Variants in DCTN1 observed in about 807,000 individuals in gnomAD.
DCTN1 encodes dynactin subunit 1.
Under a neutral mutation model 161.2 loss-of-function variants are expected in DCTN1, and 61 were observed. The observed-to-expected ratio is 0.38, with a 90% CI of 0.31 to 0.47. The LOEUF is 0.47. Ranked by LOEUF, DCTN1 falls within the 20% of genes least tolerant of loss-of-function variation. DCTN1 has a pLI of 0.99. For synonymous variants in DCTN1, 653 were observed against 632.4 expected (o/e 1.03, Z -0.49); for missense variants, 1,404 against 1,623.7 (o/e 0.86, Z 2.33).
At chr2:74,362,467 T>A (rs1377615496) in intron 30 of DCTN1, among the ~76,000 whole-genome samples, 183 bp downstream of exon 30, 1 of 152,164 alleles carries the variant, frequency 6.6e-6, no homozygotes, top group Non-Finnish European at 1.5e-5. Context: ...ATCCATTTTG[T>A]TATGAGAATC....
chr2:74,389,437 A>T (rs189933865), intron 1 of DCTN1, among the ~76,000 whole-genome samples: 6 of 152,112 alleles, frequency 3.9e-5, no homozygotes, highest in African/African-American at 1.4e-4. Context: ...AATCATCTAT[A>T]ATCCCTTTCA....
chr2:74,384,672 C>T (rs1046901559), upstream of DCTN1, among the ~76,000 whole-genome samples: 2 of 152,160 alleles, frequency 1.3e-5, no homozygotes, highest in Non-Finnish European at 2.9e-5. Context: ...TACCATTTCT[C>T]CCCTGTCTGA....
rs1674441663 is a variant in DCTN1, at chr2:74,366,731, C to T, written c.2466+52G>A. The T allele has an allele frequency of 2.5e-6, 4 of 1,614,230 alleles. No individual in the cohort carries two copies. In the South Asian group the frequency reaches 4.4e-5, roughly 18 times the overall value. Reference sequence around the variant, plus strand: ...CAGATCCAGATCTTCAAGTGCTATACCCTTCATGTTTCTACTCAGTTTCCT... The same window carrying T: ...CAGATCCAGATCTTCAAGTGCTATATCCTTCATGTTTCTACTCAGTTTCCT... On this transcript the variant is annotated intron_variant, in intron 21 of 31. Transcript: ENST00000628224.
At chr2:74,384,166 T>C (rs960973306), upstream of DCTN1, among the ~76,000 whole-genome samples, 2 of 152,228 alleles carry the variant, frequency 1.3e-5, no homozygotes, top group African/African-American at 4.8e-5. Flanking sequence ...GGGGAAAACT[T>C]AATTGCATAC....
In DCTN1 at chr2:74,366,120, C is replaced by T. The variant is rs1674389003; in HGVS notation, c.2761-102G>A. 11 of 1,608,426 alleles carry T rather than the reference C, an allele frequency of 6.8e-6. No individual in the cohort carries two copies. In the Admixed American group the frequency reaches 8.3e-5, roughly 12 times the overall value. ...CCAGTTACAGGGAAAACCCTGCCTTCTAGGCAGGATGGTGCTCTCCAGATG... is the reference window on the plus strand; with the variant it reads ...CCAGTTACAGGGAAAACCCTGCCTTTTAGGCAGGATGGTGCTCTCCAGATG... On this transcript the variant is annotated intron_variant, in intron 23 of 31. Transcript: ENST00000628224.
rs1337942988 is a variant in DCTN1, at chr2:74,371,045, C to T, written c.777G>A (p.Gln259=). The T allele has an allele frequency of 1.2e-6, 2 of 1,614,128 alleles. No individual in the cohort carries two copies. The highest frequency in any genetic ancestry group is 1.7e-6 in the Non-Finnish European group (2 of 1,180,050). Residue 259 remains glutamine, a synonymous_variant, in exon 9 of 32, where the codon CAG becomes CAA. Transcript: ENST00000628224. ...GCTCCTGCATTTTGCTCTTCCATTC[C>T]TGCACCTGCTCCAGCTGGATTTTGT... ...EKHKIQLEQV[Q]EWKSKMQEQQ...
rs759409312 is a variant in DCTN1 at position 74,377,980 on chromosome 2, C to A, written c.279+20G>T. On this transcript the variant is annotated intron_variant, in intron 2 of 31. Coordinates refer to ENST00000628224, the MANE Select transcript of DCTN1 (RefSeq NM_004082.5). Reference sequence around the variant, plus strand: ...AGACATGTGCACACATGCACAGACACAAAAGAAGGGCGTGAATACCTGGGA... The same window carrying A: ...AGACATGTGCACACATGCACAGACAAAAAAGAAGGGCGTGAATACCTGGGA... 11 of 1,613,732 alleles carry A rather than the reference C, an allele frequency of 6.8e-6. No individual in the cohort carries two copies. The East Asian group carries it at 2.5e-4, about 36-fold the overall frequency.
In DCTN1 at chr2:74,378,187, G is replaced by A. The variant is rs756768461; in HGVS notation, c.92C>T (p.Ser31Phe). The change falls in exon 2 of 32, where the codon TCC (serine) becomes TTC (phenylalanine). Residue 31 changes from serine (S) to phenylalanine (F), a missense_variant. Physicochemically the swap from Ser to Phe is radical, Grantham distance 155 (BLOSUM62 -2). Coordinates refer to ENST00000628224, the MANE Select transcript of DCTN1 (RefSeq NM_004082.5). ...EASARPLRVG[S>F]RVEVIGKGHR... ...GCCTTTTCCAATCACCTCTACACGG[G>A]AGCCCACCCGCAGAGGCCGGGCGCT... The A allele has an allele frequency of 6.2e-7, 1 of 1,613,506 alleles. No individual in the cohort carries two copies. The highest frequency in any genetic ancestry group is 8.5e-7 in the Non-Finnish European group (1 of 1,180,022).
In DCTN1 at chr2:74,377,724, G is replaced by C; in HGVS notation, c.282C>G (p.Ile94Met). The change falls in exon 3 of 32, where the codon ATC becomes ATG. Residue 94 changes from isoleucine to methionine, a missense_variant and splice_region_variant. Physicochemically the swap from Ile to Met is conservative, Grantham distance 10. Coordinates refer to ENST00000628224, the MANE Select transcript of DCTN1 (RefSeq NM_004082.5). Reference protein sequence around the residue: ...GHGIFVRQSQIQVFEDGADTT... With the variant: ...GHGIFVRQSQMQVFEDGADTT... ...TATCTGCTCCATCTTCAAATACCTG[G>C]ATCTGAGGCCAGATTCAATATAGCC... The C allele has an allele frequency of 6.2e-7, 1 of 1,613,024 alleles. No individual in the cohort carries two copies. Among genetic ancestry groups the C allele is most frequent in the East Asian group, 2.2e-5 (1 of 44,872 alleles).
At chr2:74,390,203 A>G (rs1675929861) in intron 1 of DCTN1, among the ~76,000 whole-genome samples, 1 of 152,234 alleles carries the variant, frequency 6.6e-6, no homozygotes, top group South Asian at 2.1e-4. Context: ...TAATGGAAGA[A>G]TTAAATACAA....
chr2:74,391,566 G>A, intron 1 of DCTN1: 1 of 332,566 alleles, frequency 3.0e-6, no homozygotes, highest in South Asian at 2.2e-5. Flanking sequence ...GGAACTCTAA[G>A]GCGCAGTCAC....
intron 24 of DCTN1, 63 bp from the exon 25 acceptor site, chr2:74,365,720 C>T (rs1320038420): frequency 2.5e-6 from 4 of 1,612,724 alleles, no homozygotes; most frequent in South Asian, 1.1e-5. Context: ...AAACTGGGGG[C>T]TAGACCATGA....
chr2:74,366,946 A>G lies in DCTN1; in HGVS notation c.2317-14T>C. ...CTCCTGCCCACCCTACTCAGGAAAA[A>G]GAAAATGGATGGAGAACCAAGTTAG... is the stretch of plus-strand genomic sequence containing the variant. On this transcript the variant is annotated splice_polypyrimidine_tract_variant and intron_variant, in intron 20 of 31. Coordinates refer to ENST00000628224, the MANE Select transcript of DCTN1 (RefSeq NM_004082.5). 6.2e-7 allele frequency: 1 copy of G among 1,614,208 alleles called. No homozygotes were observed. Among genetic ancestry groups the G allele is most frequent in the Non-Finnish European group, 8.5e-7 (1 of 1,180,042 alleles).
intron 7 of DCTN1, 38 bp downstream of exon 7, chr2:74,372,878 AACGTGTGTGTAC>A (rs1674967892): frequency 6.3e-7 from 1 of 1,596,952 alleles, no homozygotes; most frequent in African/African-American, 1.3e-5. Context: ...ACATGCCTGA[AACGTGTGTGTAC>A]ACTCAGCAGT....
rs146835278 is a variant in DCTN1, at chr2:74,391,643, G to A, written c.-19+151C>T. ...GGGTCAGACCGGCCTCGGGGCAAAC[G>A]CTCAGGCGGAGCCCCCGGACCCCGA... On this transcript the variant is annotated intron_variant, in intron 1 of 27. Coordinates refer to the DCTN1 transcript ENST00000409240. 1.1e-4 allele frequency: 42 copies of A among 365,782 alleles called. No individual in the cohort carries two copies. In the East Asian group the frequency reaches 2.8e-3, roughly 25 times the overall value. The allele number at this position is 365,782 out of a possible 1,614,324, so 22.7% of individuals were successfully genotyped here.
chr2:74,371,243 G>A (rs1391033631), intron 8 of DCTN1, 67 bp from the exon 9 acceptor site: 33 of 1,607,042 alleles, frequency 2.1e-5, no homozygotes, highest in Admixed American at 1.7e-5. Context: ...CTGAGCTGGC[G>A]CAAAGAACAC....
chr2:74,375,612 A>G (rs1454511084), intron 5 of DCTN1, among the ~76,000 whole-genome samples: 1 of 152,198 alleles, frequency 6.6e-6, no homozygotes, highest in Non-Finnish European at 1.5e-5. Context: ...ATATCAGACC[A>G]TAGTTTCATG....
chr2:74,386,581 AAC>A (rs1320680062), intron 1 of DCTN1: 2 of 152,158 alleles, frequency 1.3e-5, no homozygotes, highest in Non-Finnish European at 2.9e-5. Context: ...CTTTCCTCTT[AAC>A]AGTTATTTCA....
rs750593731 is a variant in DCTN1 at position 74,361,359 on chromosome 2, A to C, written c.*140T>G. ...GTCAAGGTGAAGGGGCAGGACGCTG[A>C]AAGGGTGGGAGTGAAGCTGAACGGG... On this transcript the variant is annotated 3_prime_UTR_variant, in exon 32 of 32. Transcript: ENST00000628224. 7.4e-6 allele frequency: 9 copies of C among 1,213,472 alleles called. No individual in the cohort carries two copies. The highest frequency in any genetic ancestry group is 1.1e-5 in the Non-Finnish European group (9 of 848,024). 75.2% of individuals were successfully genotyped at this position (1,213,472 alleles called of 1,614,324 possible). A position where few individuals can be genotyped will look rare whatever the true frequency, so the allele number is the denominator to read the frequency against.
Sources: gnomAD v4.1 joint callset for allele counts (sites outside exome capture counted in the v4.1 genomes callset) on GRCh38, gnomAD v4.1.1 for gene constraint, MANE v1.5 for transcripts, NCBI Gene and HGNC (gene_info 2026-07-23, HGNC 2026-07-21) for gene names.